Variants in ADGRE3 observed in about 807,000 individuals in gnomAD.
ADGRE3 encodes the protein adhesion G protein-coupled receptor E3.
In ADGRE3, 88 loss-of-function variants were observed where a neutral mutation model predicts 80.1. The observed-to-expected ratio is 1.10, with a 90% confidence interval of 0.93 to 1.31. ADGRE3 has a LOEUF of 1.31. ADGRE3 is among the 40% of genes most tolerant of loss of function. The pLI is 0.00. For synonymous variants in ADGRE3, 281 were observed against 294.8 expected (o/e 0.95, Z 0.48); for missense variants, 715 against 776.5 (o/e 0.92, Z 0.94).
chr19:14,650,641 C>A (rs112431209), intron 7 of ADGRE3, among the ~76,000 whole-genome samples: 1 of 17,138 alleles, frequency 5.8e-5, no homozygotes, highest in Non-Finnish European at 1.2e-4. Flanking sequence ...CTCTCTCTCT[C>A]TCTCTCTCTC....
chr19:14,665,978 A>ATATATATATATATATATATATATATATG (rs1568500899), intron 2 of ADGRE3, among the ~76,000 whole-genome samples: 1 of 128,248 alleles, frequency 7.8e-6, no homozygotes, highest in African/African-American at 2.9e-5. Flanking sequence ...ATATATATAT[A>ATATATATATATATATATATATATATATG]GTGTTTTCTT....
At chr19:14,624,488 G>C (rs193270553) in intron 15 of ADGRE3, among the ~76,000 whole-genome samples, 1 of 152,180 alleles carries the variant, frequency 6.6e-6, no homozygotes, top group African/African-American at 2.4e-5. Context: ...GGGTGTGGTG[G>C]CTCATACCTG....
At position 14,670,536 on chromosome 19, in the gene ADGRE3, T is replaced by A. The variant is rs112336884; in HGVS notation, c.26-1684A>T. 9.7e-3 allele frequency among the ~76,000 whole-genome samples: 1,474 copies of A among 152,276 alleles called. 20 individuals carry two copies. The highest frequency in any genetic ancestry group is 0.034 in the African/African-American group (1,430 of 41,554). ...TATTATTTCCACCTTTTTGGAAAATTGTCTGCTCAGGCTGGCTCTATTGTG... is the reference window on the plus strand; with the variant it reads ...TATTATTTCCACCTTTTTGGAAAATAGTCTGCTCAGGCTGGCTCTATTGTG... On this transcript the variant is annotated intron_variant, in intron 1 of 15. Transcript: ENST00000253673.
chr19:14,610,103 G>A, the ADGRE3 span: 1 of 1,612,970 alleles, frequency 6.2e-7, no homozygotes, highest in Admixed American at 1.7e-5. Context: ...TCCACGATGA[G>A]GACTGTGCTA....
At chr19:14,670,322 A>T (rs1972220187) in intron 1 of ADGRE3, among the ~76,000 whole-genome samples, 1 of 152,126 alleles carries the variant, frequency 6.6e-6, no homozygotes, top group South Asian at 2.1e-4. Flanking sequence ...TCTAAGCATG[A>T]GTGTCCCAGC....
chr19:14,638,115 T>C lies in ADGRE3; in HGVS notation c.1474A>G (p.Thr492Ala), dbSNP rs144427102. 2 of 1,613,270 alleles carry C rather than the reference T, an allele frequency of 1.2e-6. No homozygotes were observed. Among genetic ancestry groups the C allele is most frequent in the Non-Finnish European group, 1.7e-6 (2 of 1,179,238 alleles). The change falls in exon 11 of 16, where the codon ACT (threonine) becomes GCT (alanine). Residue 492 changes from threonine to alanine, a missense_variant. Coordinates refer to ENST00000253673, the MANE Select transcript of ADGRE3 (RefSeq NM_032571.5). Reference sequence around the variant, plus strand: ...GGGATTCAAGCTCACCGATCAGCAGTTCCATAAAGGTGAGGCCAGGAGGCT... The same window carrying C: ...GGGATTCAAGCTCACCGATCAGCAGCTCCATAAAGGTGAGGCCAGGAGGCT... ...SAASWPHLYG[T>A]ADRCWLHLDQ...
chr19:14,607,171 G>T, the ADGRE3 span: 2 of 632,618 alleles, frequency 3.2e-6, no homozygotes, highest in African/African-American at 1.9e-5. Context: ...AGGGGAGAAG[G>T]TGATGGAGTA....
chr19:14,674,015 A>C (rs1263118250), intron 1 of ADGRE3, among the ~76,000 whole-genome samples: 7 of 152,194 alleles, frequency 4.6e-5, no homozygotes, highest in Non-Finnish European at 1.0e-4. Flanking sequence ...ATTTCACTTA[A>C]TATAATGACC....
intron 1 of ADGRE3, among the ~76,000 whole-genome samples, chr19:14,671,166 C>T (rs963636689): frequency 1.8e-4 from 27 of 152,186 alleles, no homozygotes; most frequent in Admixed American, 4.6e-4. Context: ...TCTTGAGTTT[C>T]CAATTGCTGC....
At chr19:14,667,561 A>C (rs555933335) in intron 2 of ADGRE3, among the ~76,000 whole-genome samples, 1 of 152,180 alleles carries the variant, frequency 6.6e-6, no homozygotes, top group Non-Finnish European at 1.5e-5. Context: ...GAAGCTGGAA[A>C]CCATCATTCT....
the ADGRE3 span, among the ~76,000 whole-genome samples, chr19:14,614,098 C>T: frequency 2.4e-4 from 37 of 152,288 alleles, 1 homozygote; most frequent in Middle Eastern, 3.4e-3. Flanking sequence ...GTCCTCTCTT[C>T]TCACCTCTGC....
At chr19:14,604,459 A>G in the ADGRE3 span, among the ~76,000 whole-genome samples, 6 of 152,140 alleles carry the variant, frequency 3.9e-5, no homozygotes, top group Non-Finnish European at 8.8e-5. Flanking sequence ...AAAAATTTCA[A>G]TCACCTTAAG....
downstream of ADGRE3, among the ~76,000 whole-genome samples, chr19:14,617,341 C>CCTTCCTTTCTTTCTTTCTTTCTTTCTTT (rs1555752262): frequency 6.6e-4 from 38 of 57,262 alleles, 1 homozygote; most frequent in African/African-American, 2.2e-3. Context: ...TCCCTCCCTC[C>CCTTCCTTTCTTTCTTTCTTTCTTTCTTT]CTTTCTTTCT....
At chr19:14,667,077 C>T (rs913281298) in intron 2 of ADGRE3, among the ~76,000 whole-genome samples, 17 of 152,162 alleles carry the variant, frequency 1.1e-4, no homozygotes, top group African/African-American at 4.1e-4. Flanking sequence ...CTAGTTTGGT[C>T]TTCCTTCCAA....
intron 1 of ADGRE3, among the ~76,000 whole-genome samples, chr19:14,672,097 A>G (rs886735465): frequency 6.6e-6 from 1 of 152,144 alleles, no homozygotes; most frequent in African/African-American, 2.4e-5. Flanking sequence ...CGCCTGCCCA[A>G]ATGATGACTA....
chr19:14,635,446 G>C lies in ADGRE3; in HGVS notation c.1485-2144C>G, dbSNP rs192989078. Among the ~76,000 whole-genome samples, 113 of 139,244 alleles carry C rather than the reference G, an allele frequency of 8.1e-4. 1 individual carries two copies. The East Asian group carries it at 0.019, about 24-fold the overall frequency. The allele number at this position is 139,244 out of a possible 152,430, so 91.3% of individuals were successfully genotyped here. ...TTTTTTGAGACAGAGTTTCGCTCTT[G>C]TTGCCCAGGCTGGAGAGTGCAATGG... On this transcript the variant is annotated intron_variant, in intron 11 of 15. Coordinates refer to ENST00000253673, the MANE Select transcript of ADGRE3 (RefSeq NM_032571.5).
At chr19:14,645,310 T>G (rs966870588) in intron 8 of ADGRE3, among the ~76,000 whole-genome samples, 3 of 152,188 alleles carry the variant, frequency 2.0e-5, no homozygotes, top group Non-Finnish European at 2.9e-5. Context: ...CAATAATTGC[T>G]TATGCAATGA....
intron 15 of ADGRE3, among the ~76,000 whole-genome samples, chr19:14,619,691 T>C (rs1428717964): frequency 6.6e-6 from 1 of 152,200 alleles, no homozygotes; most frequent in Non-Finnish European, 1.5e-5. Context: ...AGAATTCTTC[T>C]TTTTGATAAA....
At chr19:14,647,483 CTT>C in intron 7 of ADGRE3, 118 bp from the exon 8 acceptor site, 23 of 745,150 alleles carry the variant, frequency 3.1e-5, no homozygotes, top group South Asian at 7.9e-5. Flanking sequence ...GTGGCGTGAT[CTT>C]GGCTCACTGC....
Sources: allele counts gnomAD v4.1 joint callset (sites outside exome capture counted in the v4.1 genomes callset), GRCh38; gene constraint gnomAD v4.1.1; transcripts MANE v1.5; gene names NCBI Gene and HGNC (gene_info 2026-07-23, HGNC 2026-07-21).